Variants in CYP46A1 observed in about 807,000 individuals in gnomAD.
CYP46A1 encodes cholesterol 24-hydroxylase.
In CYP46A1, 20 loss-of-function variants were observed where a neutral mutation model predicts 63.3. That is an observed-to-expected ratio of 0.32 (90% CI 0.22 to 0.46). The LOEUF (loss-of-function observed/expected upper bound fraction) is 0.46, where lower values mean the gene tolerates loss of function less well. Ranked by LOEUF, CYP46A1 falls within the 20% of genes least tolerant of loss-of-function variation. The pLI is 1.00. For synonymous variants in CYP46A1, 268 were observed against 273.6 expected (o/e 0.98, Z 0.20); for missense variants, 445 against 670.8 (o/e 0.66, Z 3.72).
chr14:99,687,634 G>T (rs2056505929), intron 1 of CYP46A1, among the ~76,000 whole-genome samples: 1 of 152,230 alleles, frequency 6.6e-6, no homozygotes. Flanking sequence ...TGACTTCACT[G>T]TGGGCTCTCC....
intron 10 of CYP46A1, among the ~76,000 whole-genome samples, chr14:99,719,720 G>A (rs1034520540): frequency 6.8e-6 from 1 of 147,452 alleles, no homozygotes; most frequent in Non-Finnish European, 1.5e-5. Context: ...GTTCATCCAT[G>A]TTGCAGTATG....
At chr14:99,706,021 A>T (rs1177262727) in intron 5 of CYP46A1, 2 of 152,282 alleles carry the variant, frequency 1.3e-5, no homozygotes, top group African/African-American at 4.8e-5. Context: ...ACAAAATGGC[A>T]GTCTCCTCCT....
Position 99,726,131 on chromosome 14 carries a change from G to T in CYP46A1, c.1266-59G>T, listed in dbSNP as rs78438059. The T allele has an allele frequency of 0.024, 35,235 of 1,476,834 alleles. 619 individuals carry two copies. Among genetic ancestry groups the T allele is most frequent in the Non-Finnish European group, 0.026 (27,977 of 1,056,042 alleles). 91.5% of individuals were successfully genotyped at this position (1,476,834 alleles called of 1,614,324 possible). On this transcript the variant is annotated intron_variant, in intron 13 of 14. Transcript: ENST00000261835. Reference sequence around the variant, plus strand: ...CTGGGTTAACTACTGTCTTCCTTATGTTGTTCCTGTGGGGACGCCTGGGGC... The same window carrying T: ...CTGGGTTAACTACTGTCTTCCTTATTTTGTTCCTGTGGGGACGCCTGGGGC...
rs1349821118 is a variant in CYP46A1, at chr14:99,725,849, C to T, written c.1266-341C>T. 6.6e-6 allele frequency among the ~76,000 whole-genome samples: 1 copy of T among 152,194 alleles called. No individual in the cohort carries two copies. Among genetic ancestry groups the T allele is most frequent in the Admixed American group, 6.5e-5 (1 of 15,284 alleles). On this transcript the variant is annotated intron_variant, in intron 13 of 14. Coordinates refer to ENST00000261835, the MANE Select transcript of CYP46A1 (RefSeq NM_006668.2). This position sits in a 1 kb window ranked among gnomAD's most constrained non-coding sequence, Gnocchi z 4.2. ...GGTACCGAAGCCATGGTGGGAAGAG[C>T]TGGACTCCACAGCCTGCCTGAGTGT...
At chr14:99,711,279 A>G (rs1269466440) in intron 7 of CYP46A1, 3 of 152,118 alleles carry the variant, frequency 2.0e-5, no homozygotes, top group Non-Finnish European at 4.4e-5. Context: ...CAAAGCCAAA[A>G]TTAGTAGAAG....
Position 99,722,784 on chromosome 14 carries a change from C to A in CYP46A1, c.1176+718C>A. ...TCTCCACAAGGCCGTAGGACAACCA[C>A]CATCGCTGATCAGTTCTCAGGTGAC... On this transcript the variant is annotated intron_variant, in intron 12 of 14. Transcript: ENST00000261835. The surrounding 1 kb of genome is among the most constrained non-coding windows in gnomAD (Gnocchi z 4.6). 1 of 350,060 alleles carries A rather than the reference C, an allele frequency of 2.9e-6. No individual in the cohort carries two copies. The highest frequency in any genetic ancestry group is 6.0e-6 in the Non-Finnish European group (1 of 166,982). The allele number at this position is 350,060 out of a possible 1,614,324, so 21.7% of individuals were successfully genotyped here. A position where few individuals can be genotyped will look rare whatever the true frequency, so the allele number is the denominator to read the frequency against.
chr14:99,715,319 T>C (rs190229118), intron 7 of CYP46A1, among the ~76,000 whole-genome samples: 1 of 152,258 alleles, frequency 6.6e-6, no homozygotes, highest in East Asian at 1.9e-4. Context: ...CTGCTGCAGC[T>C]CCACATATCA....
intron 3 of CYP46A1, among the ~76,000 whole-genome samples, chr14:99,694,350 G>A (rs1376855659): frequency 2.1e-5 from 3 of 143,802 alleles, no homozygotes; most frequent in African/African-American, 7.7e-5. Context: ...TCTCATTCCT[G>A]AGAGTAGTAA....
Position 99,725,383 on chromosome 14 carries a change from G to T in CYP46A1, c.1177-8G>T. The T allele has an allele frequency of 6.2e-7, 1 of 1,613,640 alleles. No homozygotes were observed. Among genetic ancestry groups the T allele is most frequent in the Non-Finnish European group, 8.5e-7 (1 of 1,179,562 alleles). The stretch of plus-strand genomic sequence containing the variant: ...GGAACCAGAGATGAGCGGACCCTTT[G>T]CCCGCAGTTCAGCACCTATGTCATG... On this transcript the variant is annotated splice_region_variant and splice_polypyrimidine_tract_variant and intron_variant, in intron 12 of 14. Transcript: ENST00000261835. This position sits in a 1 kb window ranked among gnomAD's most constrained non-coding sequence, Gnocchi z 4.2.
intron 7 of CYP46A1, among the ~76,000 whole-genome samples, chr14:99,714,737 G>A (rs1321825214): frequency 1.4e-5 from 2 of 143,688 alleles, no homozygotes; most frequent in African/African-American, 5.2e-5. Flanking sequence ...TCCAGCCTGG[G>A]CAACAAGAGT....
rs943025050 is a variant in CYP46A1, at chr14:99,727,183, G to A, written c.*456G>A. ...TGAGTGTCCGTTGACGTGACCAATT[G>A]CCCTGCCAGGCTGTCAGCGCCTCAA... On this transcript the variant is annotated 3_prime_UTR_variant, in exon 15 of 15. Transcript: ENST00000261835. 1.2e-5 allele frequency: 2 copies of A among 161,822 alleles called. No individual in the cohort carries two copies. The highest frequency in any genetic ancestry group is 4.8e-5 in the African/African-American group (2 of 41,834). The allele number at this position is 161,822 out of a possible 1,614,324, so 10.0% of individuals were successfully genotyped here. A position where few individuals can be genotyped will look rare whatever the true frequency, so the allele number is the denominator to read the frequency against.
chr14:99,713,955 A>C (rs184647437), intron 7 of CYP46A1, among the ~76,000 whole-genome samples: 1 of 152,144 alleles, frequency 6.6e-6, no homozygotes, highest in East Asian at 1.9e-4. Flanking sequence ...AAAAGAAACT[A>C]TCAACAGAAT....
intron 5 of CYP46A1, among the ~76,000 whole-genome samples, chr14:99,703,047 T>C (rs1446839076): frequency 6.6e-6 from 1 of 152,204 alleles, no homozygotes; most frequent in African/African-American, 2.4e-5. Context: ...GTTTTGTAGA[T>C]GGTTCTTCAG....
chr14:99,706,088 C>T (rs566208696), intron 5 of CYP46A1: 17 of 152,740 alleles, frequency 1.1e-4, no homozygotes, highest in Non-Finnish European at 2.9e-5. Flanking sequence ...TTCCATATCT[C>T]TTTCTAAGCT....
chr14:99,699,089 C>T (rs2056608840), intron 3 of CYP46A1, among the ~76,000 whole-genome samples: 1 of 151,850 alleles, frequency 6.6e-6, no homozygotes, highest in African/African-American at 2.4e-5. Flanking sequence ...GACCCAGAAG[C>T]CCTTCCTCTC....
At chr14:99,703,968 A>G (rs1389759513) in intron 5 of CYP46A1, 7 of 741,504 alleles carry the variant, frequency 9.4e-6, no homozygotes, top group Middle Eastern at 6.7e-4. Flanking sequence ...AAGGCCAGCC[A>G]AGCAAACTTC....
chr14:99,714,236 G>C (rs1352192902), intron 7 of CYP46A1, among the ~76,000 whole-genome samples: 5 of 152,180 alleles, frequency 3.3e-5, no homozygotes, highest in Non-Finnish European at 7.3e-5. Flanking sequence ...TGCGGGTGAG[G>C]ATAGAGAGAA....
intron 2 of CYP46A1, chr14:99,691,560 G>T: frequency 5.1e-6 from 3 of 592,928 alleles, no homozygotes; most frequent in Non-Finnish European, 6.0e-6. Context: ...CCTATTCCAT[G>T]GCTGTGGAAA....
At position 99,690,995 on chromosome 14, in the gene CYP46A1, G is replaced by T. The variant is rs1257349067; in HGVS notation, c.120-86G>T. On this transcript the variant is annotated intron_variant, in intron 1 of 14. Transcript: ENST00000261835. ...ATGCCTCGGTCCTCCTGTCTGTGAA[G>T]TGGGCCTAGTAATAAGATCTTGTGG... is the stretch of plus-strand genomic sequence containing the variant. 67 of 1,290,038 alleles carry T rather than the reference G, an allele frequency of 5.2e-5. 1 individual carries two copies. The highest frequency in any genetic ancestry group is 5.2e-4 in the South Asian group (43 of 83,048). The allele number at this position is 1,290,038 out of a possible 1,614,324, so 79.9% of individuals were successfully genotyped here.
Sources: gnomAD v4.1 joint callset for allele counts (sites outside exome capture counted in the v4.1 genomes callset) on GRCh38, gnomAD v4.1.1 for gene constraint, Gnocchi (gnomAD v3.1) non-coding constraint, MANE v1.5 for transcripts, NCBI Gene and HGNC (gene_info 2026-07-23, HGNC 2026-07-21) for gene names.